SENP6: variants seen among roughly 807,000 people sequenced by gnomAD.
SENP6 encodes the protein sentrin-specific protease 6.
In SENP6, 41 loss-of-function variants were observed where a neutral mutation model predicts 134.5. The observed-to-expected ratio is 0.30, with a 90% CI of 0.24 to 0.40. The LOEUF is 0.40. Among genes scored for constraint, SENP6 ranks in the 10% least tolerant of loss-of-function variants. The pLI is 1.00. For missense variants in SENP6, 1,248 were observed against 1,312.5 expected (o/e 0.95, Z 0.76); for synonymous variants, 395 against 429.8 (o/e 0.92, Z 1.00).
chr6:75,646,851 A>G (rs1396346531), intron 6 of SENP6: 2 of 151,890 alleles, frequency 1.3e-5, no homozygotes, highest in Non-Finnish European at 2.9e-5. Flanking sequence ...AAAAAAAAAA[A>G]GTAAGTACAC....
intron 18 of SENP6, among the ~76,000 whole-genome samples, chr6:75,700,848 T>C (rs1299729281): frequency 1.3e-5 from 2 of 152,216 alleles, no homozygotes; most frequent in Non-Finnish European, 2.9e-5. Flanking sequence ...AGTTGAGATG[T>C]GACTTTATAA....
In SENP6 at chr6:75,716,916, A is replaced by C. The variant is rs1008969711; in HGVS notation, c.*1322A>C. On this transcript the variant is annotated 3_prime_UTR_variant, in exon 24 of 24. Coordinates refer to ENST00000447266, the MANE Select transcript of SENP6 (RefSeq NM_015571.4). ...TCAATATCTTAGGGTATTTTCTTGA[A>C]TTTAATAAAGTCCCATGGGTGGGTT... The C allele has an allele frequency of 6.6e-6, 1 of 151,964 alleles. No homozygotes were observed. Among genetic ancestry groups the C allele is most frequent in the East Asian group, 1.9e-4 (1 of 5,200 alleles). The allele number at this position is 151,964 out of a possible 1,614,324, so 9.4% of individuals were successfully genotyped here.
intron 16 of SENP6, among the ~76,000 whole-genome samples, chr6:75,694,420 A>G (rs141485805): frequency 6.6e-6 from 1 of 152,248 alleles, no homozygotes; most frequent in Admixed American, 6.5e-5. Flanking sequence ...GAAATAAACA[A>G]TACATAATGA....
At chr6:75,630,179 C>T (rs1057260576) in intron 3 of SENP6, among the ~76,000 whole-genome samples, 7 of 151,720 alleles carry the variant, frequency 4.6e-5, no homozygotes, top group Non-Finnish European at 4.4e-5. Flanking sequence ...AAGCCATTCT[C>T]CTGCCTCAGC....
intron 13 of SENP6, among the ~76,000 whole-genome samples, chr6:75,676,262 C>T (rs1773078067): frequency 6.6e-6 from 1 of 152,056 alleles, no homozygotes; most frequent in Non-Finnish European, 1.5e-5. Context: ...GAAGATAAAA[C>T]CCAGACTTAC....
Position 75,670,632 on chromosome 6 carries a change from G to A in SENP6, c.1304G>A (p.Ser435Asn), listed in dbSNP as rs757179270. 6.2e-7 allele frequency: 1 copy of A among 1,613,334 alleles called. No individual in the cohort carries two copies. Residue 435 changes from serine to asparagine, a missense_variant, in exon 11 of 24, where the codon AGC becomes AAC. This residue lies in a region of SENP6 where 733 missense variants were observed against 725.4 expected (regional missense o/e 1.01). Coordinates refer to ENST00000447266, the MANE Select transcript of SENP6 (RefSeq NM_015571.4). ...SQEPPDALAL[S>N]CQSSFDSVIL... ...GAACCTCCAGATGCTTTAGCTTTAA[G>A]CTGCCAAAGTTCCTTTGACAGTGTC...
chr6:75,684,352 G>A (rs1173541031), intron 16 of SENP6, among the ~76,000 whole-genome samples: 1 of 152,176 alleles, frequency 6.6e-6, no homozygotes, highest in African/African-American at 2.4e-5. Context: ...AACAGGGACA[G>A]TTTGACTTCC....
At position 75,641,641 on chromosome 6, in the gene SENP6, T is replaced by C. The variant is rs1422831683; in HGVS notation, c.479+937T>C. Reference sequence around the variant, plus strand: ...GAAAACACACACATTTCTTTGAACATTTCAAAGTAAAATGATCATAATTGT... The same window carrying C: ...GAAAACACACACATTTCTTTGAACACTTCAAAGTAAAATGATCATAATTGT... On this transcript the variant is annotated intron_variant, in intron 6 of 23. Transcript: ENST00000447266. Among the ~76,000 whole-genome samples the C allele has an allele frequency of 2.0e-5, 3 of 152,288 alleles. No homozygotes were observed. The East Asian group carries it at 5.8e-4, about 29-fold the overall frequency.
chr6:75,693,994 C>G (rs9352239), intron 16 of SENP6, among the ~76,000 whole-genome samples: 1 of 152,040 alleles, frequency 6.6e-6, no homozygotes, highest in African/African-American at 2.4e-5. Context: ...CGGTGGCTCA[C>G]GCCTGTAATC....
At chr6:75,656,010 T>A (rs1771298107) in intron 7 of SENP6, among the ~76,000 whole-genome samples, 1 of 151,534 alleles carries the variant, frequency 6.6e-6, no homozygotes, top group Admixed American at 6.6e-5. Context: ...AAGCCAGGAG[T>A]TCGAGACCAG....
At chr6:75,667,871 T>C (rs920478216) in intron 10 of SENP6, among the ~76,000 whole-genome samples, 5 of 152,206 alleles carry the variant, frequency 3.3e-5, no homozygotes, top group Non-Finnish European at 5.9e-5. Flanking sequence ...TTAGAACTTA[T>C]ATCAGTGACT....
In SENP6 at chr6:75,659,426, C is replaced by T. The variant is rs1029805439; in HGVS notation, c.696+19C>T. 1 of 1,578,356 alleles carries T rather than the reference C, an allele frequency of 6.3e-7. No individual in the cohort carries two copies. Among genetic ancestry groups the T allele is most frequent in the African/African-American group, 1.4e-5 (1 of 73,686 alleles). On this transcript the variant is annotated intron_variant, in intron 8 of 23. Transcript: ENST00000447266. ...TTTAGAGGTAAGTAGAGAAATTATT[C>T]TTTGTTGCTAATCAGATTGTGTTTT...
At position 75,684,162 on chromosome 6, in the gene SENP6, G is replaced by A. The variant is rs9443185; in HGVS notation, c.2075+5235G>A. Among the ~76,000 whole-genome samples, 580 of 152,268 alleles carry A rather than the reference G, an allele frequency of 3.8e-3. 4 individuals are homozygous for A. The highest frequency in any genetic ancestry group is 0.013 in the African/African-American group (541 of 41,538). On this transcript the variant is annotated intron_variant, in intron 16 of 23. Coordinates refer to ENST00000447266, the MANE Select transcript of SENP6 (RefSeq NM_015571.4). ...GTATTTTATTCTCTTTGTAGCAACT[G>A]TGAATGGGAGTTCACTCATGATTTG...
intron 10 of SENP6, among the ~76,000 whole-genome samples, chr6:75,668,816 C>T (rs978577958): frequency 8.5e-5 from 13 of 152,276 alleles, no homozygotes; most frequent in Non-Finnish European, 1.3e-4. Context: ...TTCAGATGAG[C>T]GGTTTTCAGA....
chr6:75,676,052 C>T lies in SENP6; in HGVS notation c.1619C>T (p.Thr540Ile), dbSNP rs1399240014. ...WNDCKGVNKL[T>I]NLEEQYIILI... ...GATTGTAAAGGAGTAAATAAATTAA[C>T]AAGTAAGTTGTGTAAAACAGATTAT... Residue 540 changes from threonine (T) to isoleucine (I), a missense_variant and splice_region_variant, in exon 13 of 24, where the codon ACA becomes ATA. Around this residue, in one of 3 missense-constraint regions of SENP6, gnomAD observed 733 missense variants for 725.4 expected, o/e 1.01. Coordinates refer to ENST00000447266, the MANE Select transcript of SENP6 (RefSeq NM_015571.4). 2 of 1,578,166 alleles carry T rather than the reference C, an allele frequency of 1.3e-6. No homozygotes were observed. The highest frequency in any genetic ancestry group is 1.7e-6 in the Non-Finnish European group (2 of 1,161,374).
At chr6:75,645,508 T>C (rs1770363036) in intron 6 of SENP6, among the ~76,000 whole-genome samples, 1 of 152,072 alleles carries the variant, frequency 6.6e-6, no homozygotes, top group Non-Finnish European at 1.5e-5. Context: ...TCCCAGCTAC[T>C]CAGGAGGCTG....
At chr6:75,692,666 A>C (rs1279188599) in intron 16 of SENP6, among the ~76,000 whole-genome samples, 4 of 151,084 alleles carry the variant, frequency 2.6e-5, no homozygotes, top group Non-Finnish European at 5.9e-5. Flanking sequence ...GGTGGCTCAA[A>C]CCTGTAATCC....
intron 19 of SENP6, 83 bp from the exon 20 acceptor site, chr6:75,709,444 A>G (rs1313940164): frequency 1.2e-6 from 1 of 843,336 alleles, no homozygotes; most frequent in Non-Finnish European, 1.9e-6. Flanking sequence ...TCATTAATTA[A>G]CTACTAGCAT....
chr6:75,607,267 C>G (rs1398355933), intron 1 of SENP6, among the ~76,000 whole-genome samples: 2 of 152,008 alleles, frequency 1.3e-5, no homozygotes, highest in Non-Finnish European at 2.9e-5. Flanking sequence ...CCACTGCATT[C>G]CCACCTGGGA....
Sources: gnomAD v4.1 joint callset for allele counts (sites outside exome capture counted in the v4.1 genomes callset) on GRCh38, gnomAD v4.1.1 for gene constraint, gnomAD v4.1.1 regional missense constraint, MANE v1.5 for transcripts, NCBI Gene and HGNC (gene_info 2026-07-23, HGNC 2026-07-21) for gene names.